The following MGST2 variants were observed in gnomAD, a reference collection of about 807,000 sequenced individuals.
The protein encoded by MGST2 is microsomal glutathione S-transferase 2.
MGST2 carries 9 observed loss-of-function variants against 16.6 expected under a neutral mutation model. That is an observed-to-expected ratio of 0.54 (90% confidence interval 0.33 to 0.95). MGST2 has a LOEUF of 0.95. MGST2 is among the 40% of genes least tolerant of loss of function. MGST2 has a pLI of 0.03. For missense variants in MGST2, 159 were observed against 175.1 expected (o/e 0.91, Z 0.52); for synonymous variants, 79 against 68.0 (o/e 1.16, Z -0.79).
chr4:139,742,293 C>T (rs1023384984), downstream of MGST2, among the ~76,000 whole-genome samples: 10 of 152,074 alleles, frequency 6.6e-5, no homozygotes, highest in Admixed American at 3.3e-4. Context: ...GGATTACAGG[C>T]GTGTGCCACC....
intron 2 of MGST2, 112 bp downstream of exon 2, chr4:139,678,754 T>C (rs1368981003): frequency 1.2e-6 from 1 of 844,808 alleles, no homozygotes; most frequent in Non-Finnish European, 2.0e-6. Context: ...CAATATCTAG[T>C]TATAACAAGT....
chr4:139,719,082 T>C, intron 5 of MGST2: 1 of 491,400 alleles, frequency 2.0e-6, no homozygotes. Context: ...TCCGGGTGTC[T>C]CCCTCTCTCG....
At chr4:139,717,643 A>C (rs970246835) in intron 5 of MGST2, 1 of 152,518 alleles carries the variant, frequency 6.6e-6, no homozygotes, top group Admixed American at 6.5e-5. Flanking sequence ...CCAGCTTTCC[A>C]TGGCAACTCG....
At chr4:139,689,359 C>T (rs1726438732) in intron 2 of MGST2, among the ~76,000 whole-genome samples, 1 of 152,160 alleles carries the variant, frequency 6.6e-6, no homozygotes, top group Admixed American at 6.5e-5. Context: ...TGCTCTCCTG[C>T]CACCAGCCGC....
At chr4:139,685,366 G>C (rs892908250) in intron 2 of MGST2, 1 of 162,536 alleles carries the variant, frequency 6.2e-6, no homozygotes, top group African/African-American at 2.4e-5. Flanking sequence ...AGCCAGATCA[G>C]CCGAATCAAC....
chr4:139,721,955 T>C (rs891384016), intron 5 of MGST2, among the ~76,000 whole-genome samples: 29 of 152,216 alleles, frequency 1.9e-4, no homozygotes, highest in Non-Finnish European at 3.1e-4. Context: ...TTGAGTTGTT[T>C]ATAAAAAAAG....
At chr4:139,727,714 T>G (rs1164159469) in intron 5 of MGST2, among the ~76,000 whole-genome samples, 3 of 152,228 alleles carry the variant, frequency 2.0e-5, no homozygotes, top group African/African-American at 7.2e-5. Context: ...ATGCCTACTT[T>G]CAACCTGCAC....
intron 2 of MGST2, among the ~76,000 whole-genome samples, chr4:139,680,387 A>G (rs1175763371): frequency 6.6e-6 from 1 of 152,164 alleles, no homozygotes; most frequent in Non-Finnish European, 1.5e-5. Context: ...TGCAGAACTG[A>G]AAATCTCCTT....
At chr4:139,677,970 T>C (rs1410820571) in intron 1 of MGST2, among the ~76,000 whole-genome samples, 3 of 152,362 alleles carry the variant, frequency 2.0e-5, no homozygotes, top group African/African-American at 7.2e-5. Flanking sequence ...AGTTCTCAGC[T>C]TGACTTTTCC....
chr4:139,676,997 C>G (rs1730995051), intron 1 of MGST2, among the ~76,000 whole-genome samples: 1 of 152,180 alleles, frequency 6.6e-6, no homozygotes, highest in African/African-American at 2.4e-5. Flanking sequence ...TCTATTTTCT[C>G]TAAGGGGCTG....
At chr4:139,667,253 T>G (rs1236419885) in intron 1 of MGST2, among the ~76,000 whole-genome samples, 3 of 152,104 alleles carry the variant, frequency 2.0e-5, no homozygotes, top group African/African-American at 7.2e-5. Context: ...GAGAAACCTT[T>G]AGGCTGAACT....
intron 5 of MGST2, chr4:139,730,841 TGAGTA>T (rs1298536698): frequency 1.6e-6 from 1 of 619,064 alleles, no homozygotes; most frequent in African/African-American, 1.8e-5. Context: ...CGACCTTACC[TGAGTA>T]GAATGAGAGA....
At chr4:139,731,406 T>C (rs964718243) in intron 5 of MGST2, 2 of 125,714 alleles carry the variant, frequency 1.6e-5, no homozygotes, top group African/African-American at 6.3e-5. Context: ...GAGACCAGCT[T>C]GGCCAAGATG....
At chr4:139,687,597 TCCTGCTGATTTTG>T (rs1038863962) in intron 2 of MGST2, 1 of 152,274 alleles carries the variant, frequency 6.6e-6, no homozygotes, top group Non-Finnish European at 1.5e-5. Context: ...TACCCTTTTC[TCCTGCTGATTTTG>T]CCCTCAGCAT....
At chr4:139,741,478 G>A (rs1012186095), downstream of MGST2, among the ~76,000 whole-genome samples, 4 of 152,252 alleles carry the variant, frequency 2.6e-5, no homozygotes, top group South Asian at 2.1e-4. Flanking sequence ...TGAGCTGAGC[G>A]TGGTGGCTCA....
chr4:139,736,233 T>G (rs1728940665), intron 5 of MGST2, among the ~76,000 whole-genome samples: 2 of 152,188 alleles, frequency 1.3e-5, no homozygotes, highest in Non-Finnish European at 2.9e-5. Flanking sequence ...TATCAAAAGA[T>G]AGCTACATCC....
intron 2 of MGST2, among the ~76,000 whole-genome samples, chr4:139,686,757 TA>T (rs1229950230): frequency 6.6e-6 from 1 of 152,210 alleles, no homozygotes; most frequent in African/African-American, 2.4e-5. Flanking sequence ...AGTGATACAT[TA>T]AAAGGCTAAA....
chr4:139,672,271 T>C lies in MGST2; in HGVS notation c.58+6194T>C, dbSNP rs1467069270. ...ATTCATAAGTCTAGGAGCACATACCTTTCATTATTTCCATTTTATAGGTGG... is the reference window on the plus strand; with the variant it reads ...ATTCATAAGTCTAGGAGCACATACCCTTCATTATTTCCATTTTATAGGTGG... On this transcript the variant is annotated intron_variant, in intron 1 of 4. Coordinates refer to ENST00000265498, the MANE Select transcript of MGST2 (RefSeq NM_002413.5). Among the ~76,000 whole-genome samples the C allele has an allele frequency of 4.6e-5, 7 of 152,340 alleles. No homozygotes were observed. In the East Asian group the frequency reaches 1.3e-3, roughly 29 times the overall value.
At chr4:139,742,937 G>A (rs1241708520), downstream of MGST2, among the ~76,000 whole-genome samples, 3 of 152,072 alleles carry the variant, frequency 2.0e-5, no homozygotes, top group Admixed American at 2.0e-4. Context: ...TTAAACATCT[G>A]GGATGTAGCA....
Sources: gnomAD v4.1 joint callset for allele counts (sites outside exome capture counted in the v4.1 genomes callset) on GRCh38, gnomAD v4.1.1 for gene constraint, MANE v1.5 for transcripts, NCBI Gene and HGNC (gene_info 2026-07-23, HGNC 2026-07-21) for gene names.